The following GRID1 variants were observed in gnomAD, a reference collection of about 807,000 sequenced individuals.
The protein encoded by GRID1 is glutamate ionotropic receptor delta type subunit 1.
Under a neutral mutation model 98.0 loss-of-function variants are expected in GRID1, and 28 were observed. The ratio of observed to expected loss-of-function variants is 0.29; its 90% confidence interval spans 0.21 to 0.39. The LOEUF is 0.39. GRID1 is among the 10% of genes least tolerant of loss of function. GRID1 has a pLI of 1.00. For missense variants in GRID1, 1,111 were observed against 1,340.5 expected, an observed-to-expected ratio of 0.83 and a Z score of 2.67; for synonymous variants, 553 against 538.5, an observed-to-expected ratio of 1.03 and a Z score of -0.37.
At chr10:86,001,606 A>G in intron 4 of GRID1, among the ~76,000 whole-genome samples, 1 of 152,190 alleles carries the variant, frequency 6.6e-6, no homozygotes, top group African/African-American at 2.4e-5. Context: ...TTGCAGAGAA[A>G]GGGCATCTGT....
chr10:85,690,714 T>C (rs779233774), intron 12 of GRID1, among the ~76,000 whole-genome samples: 1 of 152,200 alleles, frequency 6.6e-6, no homozygotes, highest in Non-Finnish European at 1.5e-5. Flanking sequence ...TTCTTCCAAA[T>C]AAATCATTTG....
At chr10:85,832,513 C>T (rs1842876064) in intron 8 of GRID1, among the ~76,000 whole-genome samples, 1 of 152,124 alleles carries the variant, frequency 6.6e-6, no homozygotes, top group Admixed American at 6.5e-5. Flanking sequence ...GGCTCAACTT[C>T]CAAAAACCCA....
At chr10:85,781,821 A>G (rs1263427272) in intron 8 of GRID1, among the ~76,000 whole-genome samples, 22 of 151,718 alleles carry the variant, frequency 1.5e-4, no homozygotes, top group Non-Finnish European at 5.9e-5. Flanking sequence ...AAAAAAAACC[A>G]AAAACTAGTT....
chr10:85,913,122 A>T (rs2131822506), intron 5 of GRID1, among the ~76,000 whole-genome samples: 1 of 152,292 alleles, frequency 6.6e-6, no homozygotes, highest in African/African-American at 2.4e-5. Context: ...CTACCTTCTG[A>T]TAGAAGACTT....
intron 8 of GRID1, among the ~76,000 whole-genome samples, chr10:85,792,254 C>T (rs1055602496): frequency 6.6e-6 from 1 of 152,108 alleles, no homozygotes; most frequent in African/African-American, 2.4e-5. Context: ...TGGCAGCAGT[C>T]GCAGCCACAG....
intron 2 of GRID1, among the ~76,000 whole-genome samples, chr10:86,283,001 C>T (rs1316204846): frequency 6.6e-6 from 1 of 152,126 alleles, no homozygotes; most frequent in Non-Finnish European, 1.5e-5. Flanking sequence ...CCCACCAGTG[C>T]ACCCTTACCC....
chr10:85,636,618 A>G (rs1843045804), intron 13 of GRID1, among the ~76,000 whole-genome samples: 1 of 152,216 alleles, frequency 6.6e-6, no homozygotes, highest in Non-Finnish European at 1.5e-5. Flanking sequence ...TGCATACACA[A>G]ATACCTATGT....
At chr10:85,765,958 G>A (rs1316636667) in intron 8 of GRID1, among the ~76,000 whole-genome samples, 5 of 152,174 alleles carry the variant, frequency 3.3e-5, no homozygotes, top group Admixed American at 6.5e-5. Context: ...CATATTGCTG[G>A]CTGCCAGAGG....
At chr10:86,235,115 C>T (rs531862552) in intron 2 of GRID1, among the ~76,000 whole-genome samples, 1 of 152,372 alleles carries the variant, frequency 6.6e-6, no homozygotes, top group Non-Finnish European at 1.5e-5. Context: ...CTCCTTGGGC[C>T]TTGCACACTC....
At chr10:85,760,931 T>C (rs1311917633) in intron 8 of GRID1, among the ~76,000 whole-genome samples, 1 of 152,114 alleles carries the variant, frequency 6.6e-6, no homozygotes, top group African/African-American at 2.4e-5. Flanking sequence ...TTCGTCAAAG[T>C]GGACAAATCT....
At position 86,263,319 on chromosome 10, in the gene GRID1, T is replaced by G. The variant is rs527466688; in HGVS notation, c.236-56671A>C. On this transcript the variant is annotated intron_variant, in intron 2 of 15. Transcript: ENST00000327946. ...GCGCCACGGCGCGCAACGTTGCCAT[T>G]GTAAACCGGCCTTGGAGTGGCGGGG... 7.9e-5 allele frequency among the ~76,000 whole-genome samples: 12 copies of G among 152,356 alleles called. No homozygotes were observed. The East Asian group carries it at 2.3e-3, about 29-fold the overall frequency.
At chr10:85,624,621 A>G (rs1842890318) in intron 13 of GRID1, among the ~76,000 whole-genome samples, 1 of 152,230 alleles carries the variant, frequency 6.6e-6, no homozygotes. Context: ...GTAAGTGGCC[A>G]AATTACATTT....
chr10:86,069,725 G>T (rs115051318), intron 4 of GRID1, among the ~76,000 whole-genome samples: 2 of 152,178 alleles, frequency 1.3e-5, no homozygotes, highest in Admixed American at 6.5e-5. Context: ...GTAAGACCAT[G>T]CTGAACCTTG....
intron 4 of GRID1, among the ~76,000 whole-genome samples, chr10:86,130,097 G>A (rs1308180778): frequency 6.6e-6 from 1 of 152,244 alleles, no homozygotes; most frequent in African/African-American, 2.4e-5. Context: ...CCAGATGCAT[G>A]AGCCAGCCCA....
At chr10:85,919,193 G>A (rs944257326) in intron 4 of GRID1, among the ~76,000 whole-genome samples, 1 of 152,222 alleles carries the variant, frequency 6.6e-6, no homozygotes, top group Non-Finnish European at 1.5e-5. Context: ...CTCAGTTGCT[G>A]GGAGACCCCA....
chr10:86,031,469 C>T (rs1349091217), intron 4 of GRID1, among the ~76,000 whole-genome samples: 1 of 152,152 alleles, frequency 6.6e-6, no homozygotes, highest in Non-Finnish European at 1.5e-5. Flanking sequence ...ATGTTCACTA[C>T]TTAGGTGACA....
chr10:86,311,720 G>T (rs1264353731), intron 2 of GRID1, among the ~76,000 whole-genome samples: 2 of 152,168 alleles, frequency 1.3e-5, no homozygotes, highest in African/African-American at 4.8e-5. Flanking sequence ...GGCAGTTTAG[G>T]CATGGTGGCT....
chr10:85,843,615 A>G (rs575513491), intron 8 of GRID1, among the ~76,000 whole-genome samples: 3 of 152,226 alleles, frequency 2.0e-5, no homozygotes, highest in African/African-American at 7.2e-5. Context: ...CGTCTTAGAA[A>G]AACAGGCAAA....
chr10:85,861,479 C>A (rs1264096262), intron 6 of GRID1, among the ~76,000 whole-genome samples: 1 of 152,142 alleles, frequency 6.6e-6, no homozygotes, highest in Non-Finnish European at 1.5e-5. Flanking sequence ...CTTCTCTGCC[C>A]CTAGGATGTT....
Sources: gnomAD v4.1 joint callset for allele counts (sites outside exome capture counted in the v4.1 genomes callset) on GRCh38, gnomAD v4.1.1 for gene constraint, MANE v1.5 for transcripts, NCBI Gene and HGNC (gene_info 2026-07-23, HGNC 2026-07-21) for gene names.